The following DCC variants were observed in gnomAD, a reference collection of about 807,000 sequenced individuals.
DCC encodes the protein netrin receptor DCC.
In DCC, 58 loss-of-function variants were observed where a neutral mutation model predicts 172.5. The observed-to-expected ratio is 0.34, with a 90% confidence interval of 0.27 to 0.42. The LOEUF is 0.42. Ranked by LOEUF, DCC falls within the 10% of genes least tolerant of loss-of-function variation. The probability of loss-of-function intolerance (pLI) is 1.00; values close to 1 mark genes in which losing one functional copy is unlikely to be tolerated. For synonymous variants in DCC, 709 were observed against 644.5 expected (o/e 1.10, Z -1.52); for missense variants, 1,740 against 1,791.0 (o/e 0.97, Z 0.51).
At chr18:53,266,616 T>C (rs1482519135) in intron 12 of DCC, among the ~76,000 whole-genome samples, 1 of 152,118 alleles carries the variant, frequency 6.6e-6, no homozygotes, top group Non-Finnish European at 1.5e-5. Context: ...TTTAGTATAC[T>C]CATAGAATTG....
intron 2 of DCC, among the ~76,000 whole-genome samples, chr18:52,820,406 C>T (rs1279358096): frequency 2.0e-5 from 3 of 152,130 alleles, no homozygotes; most frequent in Non-Finnish European, 2.9e-5. Context: ...AAAATTTACA[C>T]ATGGATTTTT....
At chr18:52,418,132 C>T (rs1372960747) in intron 1 of DCC, among the ~76,000 whole-genome samples, 2 of 152,164 alleles carry the variant, frequency 1.3e-5, no homozygotes, top group South Asian at 2.1e-4. Context: ...GCTAAGAACA[C>T]TTACTGGAGC....
rs1598996308 is a variant in DCC, at chr18:53,298,303, G to A, written c.1912-7275G>A. Among the ~76,000 whole-genome samples, 8 of 152,030 alleles carry A rather than the reference G, an allele frequency of 5.3e-5. No homozygotes were observed. In the South Asian group the frequency reaches 1.7e-3, roughly 32 times the overall value. On this transcript the variant is annotated intron_variant, in intron 12 of 28. Coordinates refer to ENST00000442544, the MANE Select transcript of DCC (RefSeq NM_005215.4). ...TGTAATCCTAGAACTTTGGGAGGGT[G>A]AGCGGGTGGATCCTTTGAGCCTAGG...
chr18:53,229,325 A>G (rs1289354423), intron 12 of DCC, among the ~76,000 whole-genome samples: 1 of 152,132 alleles, frequency 6.6e-6, no homozygotes, highest in African/African-American at 2.4e-5. Context: ...GCAAGAATCA[A>G]TTGTTAATGT....
At chr18:52,550,055 A>G (rs372502237) in intron 1 of DCC, among the ~76,000 whole-genome samples, 7 of 152,054 alleles carry the variant, frequency 4.6e-5, no homozygotes, top group African/African-American at 1.7e-4. Flanking sequence ...CAAGGTGGAT[A>G]TCAACAGCAA....
chr18:53,434,300 A>G (rs892585166), intron 21 of DCC, among the ~76,000 whole-genome samples: 1 of 152,140 alleles, frequency 6.6e-6, no homozygotes, highest in Non-Finnish European at 1.5e-5. Flanking sequence ...ATACAGATTC[A>G]CCTCTCAAAT....
intron 22 of DCC, among the ~76,000 whole-genome samples, chr18:53,445,921 T>G (rs1912568208): frequency 6.6e-6 from 1 of 151,672 alleles, no homozygotes; most frequent in African/African-American, 2.4e-5. Flanking sequence ...GACAGGTATA[T>G]TATGATACAA....
chr18:52,473,088 C>T (rs534675203), intron 1 of DCC, among the ~76,000 whole-genome samples: 9 of 152,264 alleles, frequency 5.9e-5, no homozygotes, highest in African/African-American at 2.2e-4. Context: ...TCAAAATCAC[C>T]TGTTGATTGA....
At chr18:52,371,409 T>C (rs571036440) in intron 1 of DCC, among the ~76,000 whole-genome samples, 1 of 152,338 alleles carries the variant, frequency 6.6e-6, no homozygotes, top group South Asian at 2.1e-4. Context: ...TTATATTTTG[T>C]GAAATATGTT....
At chr18:52,599,443 C>T (rs561569272) in intron 1 of DCC, among the ~76,000 whole-genome samples, 48 of 152,230 alleles carry the variant, frequency 3.2e-4, no homozygotes, top group South Asian at 1.0e-3. Context: ...AATGTGGCTG[C>T]GTTCCAATAA....
At chr18:52,806,518 G>A (rs537830567) in intron 2 of DCC, among the ~76,000 whole-genome samples, 1 of 152,142 alleles carries the variant, frequency 6.6e-6, no homozygotes, top group African/African-American at 2.4e-5. Flanking sequence ...TTATTTGATG[G>A]CCATGAAATT....
At chr18:53,307,960 A>G (rs1182286161) in intron 13 of DCC, among the ~76,000 whole-genome samples, 2 of 126,726 alleles carry the variant, frequency 1.6e-5, no homozygotes, top group Non-Finnish European at 3.3e-5. Context: ...TGTATTTTAT[A>G]CGAGGTATAT....
chr18:53,319,914 TG>T (rs1472723681), intron 13 of DCC, among the ~76,000 whole-genome samples: 1 of 152,158 alleles, frequency 6.6e-6, no homozygotes. Flanking sequence ...CAGTTAGTGT[TG>T]GATTGAATAA....
intron 1 of DCC, among the ~76,000 whole-genome samples, chr18:52,700,243 C>A (rs2036091965): frequency 6.8e-6 from 1 of 147,834 alleles, no homozygotes; most frequent in African/African-American, 2.5e-5. Flanking sequence ...CTCACATGCA[C>A]ACTCACACAC....
At chr18:52,965,567 A>G (rs548505534) in intron 5 of DCC, among the ~76,000 whole-genome samples, 2 of 152,320 alleles carry the variant, frequency 1.3e-5, no homozygotes, top group Admixed American at 1.3e-4. Context: ...AGAGAAAAGT[A>G]ATAATAATTT....
chr18:53,222,186 A>G (rs186234131), intron 12 of DCC, among the ~76,000 whole-genome samples: 435 of 152,272 alleles, frequency 2.9e-3, no homozygotes, highest in Non-Finnish European at 5.4e-3. Flanking sequence ...TTATTGGATA[A>G]CTAGTTTTTA....
At chr18:52,591,589 G>A (rs1227456859) in intron 1 of DCC, among the ~76,000 whole-genome samples, 3 of 151,710 alleles carry the variant, frequency 2.0e-5, no homozygotes, top group Non-Finnish European at 4.4e-5. Context: ...AAGGTCTTCA[G>A]TGCACATTGC....
At chr18:52,854,812 A>C (rs1469157308) in intron 2 of DCC, among the ~76,000 whole-genome samples, 1 of 152,164 alleles carries the variant, frequency 6.6e-6, no homozygotes, top group Non-Finnish European at 1.5e-5. Context: ...TCATATCCAA[A>C]GGTGTTTCCA....
At chr18:52,386,609 C>G (rs985172113) in intron 1 of DCC, among the ~76,000 whole-genome samples, 4 of 151,928 alleles carry the variant, frequency 2.6e-5, no homozygotes, top group African/African-American at 7.3e-5. Flanking sequence ...AAGGTGTATA[C>G]ATTATTTCTG....
Sources: gnomAD v4.1 joint callset for allele counts (sites outside exome capture counted in the v4.1 genomes callset) on GRCh38, gnomAD v4.1.1 for gene constraint, MANE v1.5 for transcripts, NCBI Gene and HGNC (gene_info 2026-07-23, HGNC 2026-07-21) for gene names.